LAP3: variants seen among roughly 807,000 people sequenced by gnomAD.
LAP3 encodes leucine aminopeptidase 3.
Under a neutral mutation model 58.8 loss-of-function variants are expected in LAP3, and 46 were observed. The ratio of observed to expected loss-of-function variants is 0.78; its 90% CI spans 0.62 to 1.00. LAP3 has a LOEUF of 1.00. LAP3 is among the 50% of genes least tolerant of loss of function. The pLI is 0.00. For synonymous variants in LAP3, 257 were observed against 237.7 expected (o/e 1.08, Z -0.75); for missense variants, 615 against 659.1 (o/e 0.93, Z 0.73).
intron 11 of LAP3, among the ~76,000 whole-genome samples, chr4:17,605,079 C>T (rs911248821): frequency 2.0e-5 from 3 of 151,750 alleles, no homozygotes; most frequent in Non-Finnish European, 4.4e-5. Context: ...CCCTCCATGC[C>T]CTTCACAGCC....
At position 17,577,537 on chromosome 4, in the gene LAP3, C is replaced by T. The variant is rs1048076154; in HGVS notation, c.72C>T (p.Ser24=). 26 of 1,574,514 alleles carry T rather than the reference C, an allele frequency of 1.7e-5. No individual in the cohort carries two copies. Among genetic ancestry groups the T allele is most frequent in the Middle Eastern group, 2.1e-4 (1 of 4,764 alleles). Residue 24 remains serine (S), a synonymous_variant, in exon 1 of 13, where the codon AGC becomes AGT. Coordinates refer to ENST00000226299, the MANE Select transcript of LAP3 (RefSeq NM_015907.3). ...GTCTGGCCGTGAGACGTTTCGGGAG[C>T]CGGAGTCTCTCCACCGCAGACATGA... is the stretch of plus-strand genomic sequence containing the variant. ...VRRLAVRRFG[S]RSLSTADMTK...
intron 5 of LAP3, among the ~76,000 whole-genome samples, chr4:17,584,077 T>C (rs1168449287): frequency 6.6e-6 from 1 of 152,214 alleles, no homozygotes; most frequent in Non-Finnish European, 1.5e-5. Flanking sequence ...GTCCCTGCCA[T>C]CAGGAATAAA....
intron 10 of LAP3, 27 bp from the exon 11 acceptor site, chr4:17,604,561 C>T (rs746681938): frequency 9.4e-6 from 15 of 1,600,736 alleles, no homozygotes; most frequent in East Asian, 4.5e-5. Flanking sequence ...AGAGACTGCA[C>T]GTGACCTGAG....
intron 10 of LAP3, among the ~76,000 whole-genome samples, chr4:17,602,503 GA>G (rs1346730930): frequency 1.3e-5 from 2 of 152,126 alleles, no homozygotes; most frequent in African/African-American, 4.8e-5. Flanking sequence ...CTTTGTTGGA[GA>G]AAAAACTAAA....
chr4:17,597,189 G>T (rs1713852611), intron 9 of LAP3, 55 bp downstream of exon 9: 2 of 1,437,344 alleles, frequency 1.4e-6, no homozygotes, highest in Non-Finnish European at 2.0e-6. Context: ...GGAATCCCGT[G>T]GTGGCCACAT....
intron 4 of LAP3, 31 bp from the exon 5 acceptor site, chr4:17,583,452 T>G (rs1212703862): frequency 1.2e-6 from 2 of 1,611,994 alleles, no homozygotes; most frequent in African/African-American, 1.3e-5. Flanking sequence ...TTGGACTGAC[T>G]CCAGTTTTCT....
chr4:17,592,463 T>C (rs1234645984), intron 7 of LAP3, among the ~76,000 whole-genome samples: 1 of 152,254 alleles, frequency 6.6e-6, no homozygotes, highest in African/African-American at 2.4e-5. Context: ...TACCCATTCA[T>C]CTATTGGTGG....
At chr4:17,597,643 G>A (rs1478898844) in intron 9 of LAP3, among the ~76,000 whole-genome samples, 1 of 152,186 alleles carries the variant, frequency 6.6e-6, no homozygotes, top group Non-Finnish European at 1.5e-5. Context: ...CAGACTTATT[G>A]TTCCTCCCAT....
At chr4:17,594,789 A>G (rs1713787295) in intron 7 of LAP3, among the ~76,000 whole-genome samples, 1 of 152,196 alleles carries the variant, frequency 6.6e-6, no homozygotes, top group Admixed American at 6.5e-5. Flanking sequence ...GGTTTCAGAG[A>G]AATGCCTCCA....
chr4:17,593,737 C>T (rs1297285801), intron 7 of LAP3, among the ~76,000 whole-genome samples: 1 of 150,026 alleles, frequency 6.7e-6, no homozygotes, highest in African/African-American at 2.4e-5. Context: ...CTCAACCTCC[C>T]GAGTAGCTGG....
intron 5 of LAP3, 28 bp from the exon 6 acceptor site, chr4:17,584,944 G>A: frequency 6.2e-7 from 1 of 1,608,778 alleles, no homozygotes; most frequent in East Asian, 2.2e-5. Context: ...GAGGTTGTTT[G>A]ACAGTCACTT....
chr4:17,604,548 T>C, intron 10 of LAP3, 40 bp from the exon 11 acceptor site: 3 of 1,550,878 alleles, frequency 1.9e-6, no homozygotes, highest in South Asian at 1.1e-5. Context: ...CCATTTTGCC[T>C]GGAGAGACTG....
At chr4:17,599,409 G>A (rs1271043910) in intron 10 of LAP3, among the ~76,000 whole-genome samples, 2 of 152,088 alleles carry the variant, frequency 1.3e-5, no homozygotes, top group Non-Finnish European at 2.9e-5. Context: ...TGTGGCACGT[G>A]CCTGTAATTC....
At chr4:17,577,826 C>T (rs1272481824) in intron 1 of LAP3, among the ~76,000 whole-genome samples, 1 of 152,232 alleles carries the variant, frequency 6.6e-6, no homozygotes, top group Non-Finnish European at 1.5e-5. Flanking sequence ...CACTCGGCCG[C>T]GCACTTGCTC....
At chr4:17,599,162 G>A (rs1465159030) in intron 10 of LAP3, among the ~76,000 whole-genome samples, 1 of 152,164 alleles carries the variant, frequency 6.6e-6, no homozygotes, top group Non-Finnish European at 1.5e-5. Flanking sequence ...TTACAGAAGT[G>A]AGCCACTGTG....
chr4:17,585,898 T>C (rs1713501294), intron 6 of LAP3: 1 of 152,262 alleles, frequency 6.6e-6, no homozygotes, highest in South Asian at 2.1e-4. Context: ...TTTTGGTATA[T>C]GCCTAGGAGT....
At chr4:17,578,405 C>T (rs113449467) in intron 1 of LAP3, among the ~76,000 whole-genome samples, 1 of 152,170 alleles carries the variant, frequency 6.6e-6, no homozygotes, top group Non-Finnish European at 1.5e-5. Flanking sequence ...AAGTTAGAAC[C>T]TGGCAGAGTT....
Position 17,582,401 on chromosome 4 carries a change from C to A in LAP3, c.379+8C>A, listed in dbSNP as rs1468641302. On this transcript the variant is annotated splice_region_variant and intron_variant, in intron 4 of 12. Coordinates refer to ENST00000226299, the MANE Select transcript of LAP3 (RefSeq NM_015907.3). The stretch of plus-strand genomic sequence containing the variant: ...TCAGAGCTGCTGTTGCAGGTTATTT[C>A]ACTTTTTAAGTTTAAAGAATCCTGA... 7 of 1,603,920 alleles carry A rather than the reference C, an allele frequency of 4.4e-6. No homozygotes were observed. Among genetic ancestry groups the A allele is most frequent in the Non-Finnish European group, 5.1e-6 (6 of 1,173,124 alleles).
rs570392685 is a variant in LAP3, at chr4:17,577,330, G to C, written c.-136G>C. 1 of 349,280 alleles carries C rather than the reference G, an allele frequency of 2.9e-6. No individual in the cohort carries two copies. The highest frequency in any genetic ancestry group is 3.4e-5 in the African/African-American group (1 of 29,060). 21.6% of individuals were successfully genotyped at this position (349,280 alleles called of 1,614,324 possible). A position where few individuals can be genotyped will look rare whatever the true frequency, so the allele number is the denominator to read the frequency against. ...TGCCCATCCGTCCCGCCCCCTAGAC[G>C]CACGTCCGCTCGCCCGGCGCCCGAG... On this transcript the variant is annotated 5_prime_UTR_variant, in exon 1 of 13. Coordinates refer to ENST00000226299, the MANE Select transcript of LAP3 (RefSeq NM_015907.3).
Sources: allele counts gnomAD v4.1 joint callset (sites outside exome capture counted in the v4.1 genomes callset), GRCh38; gene constraint gnomAD v4.1.1; transcripts MANE v1.5; gene names NCBI Gene and HGNC (gene_info 2026-07-23, HGNC 2026-07-21).